NEO1: variants seen among roughly 807,000 people sequenced by gnomAD.
NEO1 encodes neogenin.
In NEO1, 63 loss-of-function variants were observed where a neutral mutation model predicts 159.7. The ratio of observed to expected loss-of-function variants is 0.39; its 90% confidence interval spans 0.32 to 0.49. The LOEUF (loss-of-function observed/expected upper bound fraction) is 0.49. NEO1 is among the 20% of genes least tolerant of loss of function. The pLI is 0.85. For missense variants in NEO1, 1,615 were observed against 1,831.0 expected, an observed-to-expected ratio of 0.88 and a Z score of 2.15; for synonymous variants, 633 against 662.0, an observed-to-expected ratio of 0.96 and a Z score of 0.67.
chr15:73,228,616 TTAA>T (rs1275095780), intron 7 of NEO1, among the ~76,000 whole-genome samples: 1 of 152,016 alleles, frequency 6.6e-6, no homozygotes, highest in Non-Finnish European at 1.5e-5. Context: ...GTATTTGTTT[TTAA>T]TAGAATCCAA....
intron 7 of NEO1, among the ~76,000 whole-genome samples, chr15:73,188,890 C>A (rs1382728451): frequency 6.6e-6 from 1 of 152,006 alleles, no homozygotes; most frequent in Non-Finnish European, 1.5e-5. Flanking sequence ...CCCAAAACTT[C>A]AAGACTTGCC....
intron 5 of NEO1, among the ~76,000 whole-genome samples, chr15:73,166,460 A>G (rs1052691297): frequency 3.3e-5 from 5 of 152,190 alleles, no homozygotes; most frequent in African/African-American, 1.2e-4. Context: ...GCACCAAACA[A>G]GGAGAATCGG....
At position 73,273,892 on chromosome 15, in the gene NEO1, C is replaced by G; in HGVS notation, c.3047C>G (p.Thr1016Ser). 6.2e-7 allele frequency: 1 copy of G among 1,614,094 alleles called. No individual in the cohort carries two copies. Among genetic ancestry groups the G allele is most frequent in the South Asian group, 1.1e-5 (1 of 91,080 alleles). The change falls in exon 20 of 29, where the codon ACT (threonine) becomes AGT (serine). Residue 1016 changes from threonine (T) to serine (S), a missense_variant. Thr to Ser is a moderately conservative substitution (Grantham distance 58). Transcript: ENST00000261908. ...VIEPVVGNRL[T>S]HQIQELTLDT... ...GAGCCTGTTGTGGGAAACAGACTGA[C>G]TCACCAGATACAAGAGTTAACTCTT...
intron 5 of NEO1, among the ~76,000 whole-genome samples, chr15:73,161,193 T>C (rs78891227): frequency 0.022 from 3,296 of 152,326 alleles, 46 homozygotes; most frequent in Non-Finnish European, 0.035. Flanking sequence ...TTATATTTTT[T>C]AAAAATCTCA....
intron 23 of NEO1, 22 bp downstream of exon 23, chr15:73,283,133 C>T (rs752516620): frequency 6.2e-7 from 1 of 1,612,866 alleles, no homozygotes; most frequent in Non-Finnish European, 8.5e-7. Context: ...CAGATGCACC[C>T]CTTAGATTTT....
rs1250529251 is a variant in NEO1 at position 73,298,543 on chromosome 15, C to G, written c.4097C>G (p.Ala1366Gly). ...CCATTGAAGAGCTTCGCCGTGCCAG[C>G]AATCCCGCCTCCAGGACCTCCCACC... ...SHPLKSFAVPAIPPPGPPTYD... is the reference protein window; with the variant it reads ...SHPLKSFAVPGIPPPGPPTYD... The change falls in exon 27 of 29, where the codon GCA becomes GGA. Residue 1366 changes from alanine to glycine, a missense_variant. Ala to Gly is a moderately conservative substitution (Grantham distance 60, BLOSUM62 0). This residue lies in a region of NEO1 where 471 missense variants were observed against 498.9 expected (regional missense o/e 0.94). Coordinates refer to ENST00000261908, the MANE Select transcript of NEO1 (RefSeq NM_002499.4). 1 of 1,614,072 alleles carries G rather than the reference C, an allele frequency of 6.2e-7. No individual in the cohort carries two copies.
At position 73,274,668 on chromosome 15, in the gene NEO1, C is replaced by G. The variant is rs770677245; in HGVS notation, c.3161-24C>G. The G allele has an allele frequency of 2.5e-6, 4 of 1,612,806 alleles. No homozygotes were observed. In the South Asian group the frequency reaches 4.4e-5, roughly 18 times the overall value. ...CTTGTGATCCTTGCTCTTGTTTTTT[C>G]TTCCCCTGTGCTTGGCCTGTTAGCG... On this transcript the variant is annotated intron_variant, in intron 20 of 28. Transcript: ENST00000261908.
intron 15 of NEO1, among the ~76,000 whole-genome samples, chr15:73,261,156 T>G (rs2040603335): frequency 6.6e-6 from 1 of 152,034 alleles, no homozygotes; most frequent in African/African-American, 2.4e-5. Context: ...TTTGACAACA[T>G]AGTAAGATGT....
chr15:73,085,514 A>T (rs542052073), intron 1 of NEO1, among the ~76,000 whole-genome samples: 1 of 152,336 alleles, frequency 6.6e-6, no homozygotes, highest in South Asian at 2.1e-4. Context: ...TTGCTGGGTC[A>T]TATGGTAAGT....
At chr15:73,095,733 T>G (rs762655536) in intron 1 of NEO1, among the ~76,000 whole-genome samples, 3 of 152,134 alleles carry the variant, frequency 2.0e-5, no homozygotes, top group Non-Finnish European at 4.4e-5. Flanking sequence ...TTCAGTTGTT[T>G]TATTATCATT....
intron 1 of NEO1, among the ~76,000 whole-genome samples, chr15:73,111,410 C>A (rs2070982853): frequency 1.3e-5 from 2 of 152,130 alleles, no homozygotes; most frequent in Non-Finnish European, 2.9e-5. Context: ...GGCTATATTT[C>A]TGCTTAAGTA....
Position 73,176,446 on chromosome 15 carries a change from C to T in NEO1, c.1059C>T (p.His353=), listed in dbSNP as rs777548596. ...AGCAGCCTACTAATATATATGCTCA[C>T]GAATCTATGGATATTGTATTTGAAT... ...FLKQPTNIYA[H]ESMDIVFECE... The change falls in exon 6 of 29, where the codon CAC becomes CAT. Residue 353 remains histidine (H), a synonymous_variant. Coordinates refer to ENST00000261908, the MANE Select transcript of NEO1 (RefSeq NM_002499.4). The T allele has an allele frequency of 9.3e-6, 15 of 1,605,988 alleles. No individual in the cohort carries two copies. Among genetic ancestry groups the T allele is most frequent in the East Asian group, 4.5e-5 (2 of 44,574 alleles).
chr15:73,274,602 T>A, intron 20 of NEO1, 90 bp from the exon 21 acceptor site: 3 of 1,359,946 alleles, frequency 2.2e-6, no homozygotes, highest in Non-Finnish European at 3.1e-6. Context: ...GGGGTTTTAG[T>A]TTTTTTCCTT....
intron 5 of NEO1, among the ~76,000 whole-genome samples, chr15:73,144,753 T>G (rs1017606722): frequency 7.9e-5 from 12 of 152,220 alleles, no homozygotes; most frequent in Non-Finnish European, 1.5e-5. Flanking sequence ...TGTCCAAAAT[T>G]GAACTTAACA....
chr15:73,196,918 T>TGAGATC (rs1460535147), intron 7 of NEO1, among the ~76,000 whole-genome samples: 11 of 152,324 alleles, frequency 7.2e-5, no homozygotes, highest in African/African-American at 2.6e-4. Flanking sequence ...GCGTGGTCAG[T>TGAGATC]TTTTTTGGTG....
intron 7 of NEO1, among the ~76,000 whole-genome samples, chr15:73,217,859 A>G (rs2037990012): frequency 6.6e-6 from 1 of 152,220 alleles, no homozygotes; most frequent in African/African-American, 2.4e-5. Context: ...ATATACAATC[A>G]TGTCATCTGC....
intron 1 of NEO1, among the ~76,000 whole-genome samples, chr15:73,061,443 A>T (rs906749035): frequency 2.0e-5 from 3 of 152,116 alleles, no homozygotes; most frequent in Non-Finnish European, 4.4e-5. Context: ...ATCTCTCCTC[A>T]AATTAGTAAG....
At chr15:73,254,101 G>A (rs1028088195) in intron 12 of NEO1, among the ~76,000 whole-genome samples, 2 of 152,082 alleles carry the variant, frequency 1.3e-5, no homozygotes, top group Non-Finnish European at 1.5e-5. Context: ...GAGGTGAGAG[G>A]ATCACTTAAG....
chr15:73,116,442 C>A (rs1401122758), intron 1 of NEO1, 98 bp from the exon 2 acceptor site: 1 of 985,626 alleles, frequency 1.0e-6, no homozygotes, highest in Non-Finnish European at 1.4e-6. Flanking sequence ...ATTCAAAGAA[C>A]AACAGTTAAT....
Sources: allele counts gnomAD v4.1 joint callset (sites outside exome capture counted in the v4.1 genomes callset), GRCh38; gene constraint gnomAD v4.1.1; regional missense constraint gnomAD v4.1.1; transcripts MANE v1.5; gene names NCBI Gene and HGNC (gene_info 2026-07-23, HGNC 2026-07-21).